Variants in ARL6 observed in about 807,000 individuals in gnomAD.
ARL6 encodes the protein ADP-ribosylation factor-like protein 6.
A neutral mutation model predicts 27.1 loss-of-function variants in ARL6; 18 were observed. The ratio of observed to expected loss-of-function variants is 0.66; its 90% CI spans 0.46 to 0.98. The LOEUF is 0.98. Ranked by LOEUF, ARL6 falls within the 50% of genes least tolerant of loss-of-function variation. ARL6 has a pLI of 0.00. For missense variants in ARL6, 187 were observed against 214.9 expected, an observed-to-expected ratio of 0.87 and a Z score of 0.81; for synonymous variants, 65 against 72.3, an observed-to-expected ratio of 0.90 and a Z score of 0.51.
intron 2 of ARL6, among the ~76,000 whole-genome samples, 166 bp downstream of exon 2, chr3:97,768,396 A>G (rs1369941104): frequency 6.6e-6 from 1 of 152,118 alleles, no homozygotes; most frequent in East Asian, 1.9e-4. Context: ...TATATTTTAC[A>G]CAGTAAATTT....
At chr3:97,795,430 G>A (rs889065097) in intron 7 of ARL6, among the ~76,000 whole-genome samples, 1 of 152,110 alleles carries the variant, frequency 6.6e-6, no homozygotes, top group Non-Finnish European at 1.5e-5. Flanking sequence ...CTATGCAGGA[G>A]TATTCCAATG....
At chr3:97,790,123 C>A (rs755264876) in intron 6 of ARL6, among the ~76,000 whole-genome samples, 4 of 149,064 alleles carry the variant, frequency 2.7e-5, no homozygotes, top group Non-Finnish European at 5.9e-5. Flanking sequence ...TGTTTACCAT[C>A]TTGTGGGGGA....
At chr3:97,794,603 T>C (rs1258419653) in intron 7 of ARL6, among the ~76,000 whole-genome samples, 1 of 152,204 alleles carries the variant, frequency 6.6e-6, no homozygotes, top group African/African-American at 2.4e-5. Flanking sequence ...AAAAATCTAT[T>C]TTTAAAAAAT....
At chr3:97,794,438 A>T (rs146549323) in intron 7 of ARL6, among the ~76,000 whole-genome samples, 2,093 of 151,854 alleles carry the variant, frequency 0.014, 49 homozygotes, top group African/African-American at 0.048. Flanking sequence ...GGTCTCGAAC[A>T]CCTGACCTCA....
intron 6 of ARL6, among the ~76,000 whole-genome samples, chr3:97,789,652 A>C (rs1168588698): frequency 6.6e-6 from 1 of 152,086 alleles, no homozygotes; most frequent in Non-Finnish European, 1.5e-5. Flanking sequence ...TCTTTTAAAC[A>C]TGTGTATAAT....
chr3:97,795,323 A>G (rs1168362225), intron 7 of ARL6, among the ~76,000 whole-genome samples: 1 of 152,184 alleles, frequency 6.6e-6, no homozygotes, highest in Admixed American at 6.5e-5. Context: ...TTAAAAAGAA[A>G]TCTTCCCAAA....
intron 2 of ARL6, among the ~76,000 whole-genome samples, chr3:97,779,017 A>T (rs2037047539): frequency 6.6e-6 from 1 of 152,184 alleles, no homozygotes; most frequent in African/African-American, 2.4e-5. Context: ...AGTTTTTCTG[A>T]TGAAAGTGCT....
chr3:97,800,151 TAGA>T lies in ARL6; in HGVS notation c.*2108_*2110del, dbSNP rs939706428. ...AGTAGCTCATACCTATGCAAATATT[TAGA>T]AGAAGGAGAAGTACCCTTTTTCTTT... On this transcript the variant is annotated 3_prime_UTR_variant, in exon 8 of 8. Transcript: ENST00000463745. The T allele has an allele frequency of 3.3e-5, 5 of 152,140 alleles. No homozygotes were observed. The East Asian group carries it at 5.8e-4, about 18-fold the overall frequency. The allele number at this position is 152,140 out of a possible 1,614,324, so 9.4% of individuals were successfully genotyped here.
At chr3:97,786,238 A>C (rs2037453554) in intron 5 of ARL6, among the ~76,000 whole-genome samples, 1 of 152,020 alleles carries the variant, frequency 6.6e-6, no homozygotes, top group Non-Finnish European at 1.5e-5. Context: ...CCATATGCTC[A>C]GGAGGCTGAA....
At position 97,798,064 on chromosome 3, in the gene ARL6, G is replaced by A; in HGVS notation, c.*15G>A. 6 of 1,611,988 alleles carry A rather than the reference G, an allele frequency of 3.7e-6. No homozygotes were observed. The highest frequency in any genetic ancestry group is 5.1e-6 in the Non-Finnish European group (6 of 1,178,400). The stretch of plus-strand genomic sequence containing the variant: ...TGAAGACATGAAAAGATAATAGTTG[G>A]AAACCTCAGCAATTTTCAATTCAAG... On this transcript the variant is annotated 3_prime_UTR_variant, in exon 8 of 8. Coordinates refer to ENST00000463745, the MANE Select transcript of ARL6 (RefSeq NM_001278293.3).
intron 2 of ARL6, among the ~76,000 whole-genome samples, chr3:97,768,758 T>G (rs2036504385): frequency 6.6e-6 from 1 of 152,108 alleles, no homozygotes; most frequent in Non-Finnish European, 1.5e-5. Flanking sequence ...GCTTTCCTAA[T>G]TTCTGGCACC....
intron 4 of ARL6, among the ~76,000 whole-genome samples, chr3:97,783,712 A>G (rs943952738): frequency 6.6e-6 from 1 of 151,812 alleles, no homozygotes; most frequent in African/African-American, 2.4e-5. Flanking sequence ...TTTATTTTGT[A>G]TATCATTTGA....
chr3:97,800,607 TTAAGA>T lies in ARL6; in HGVS notation c.*2561_*2565del, dbSNP rs1473220809. On this transcript the variant is annotated 3_prime_UTR_variant, in exon 8 of 8. Transcript: ENST00000463745. ...TGCGAAAAAGTTACAAATTGTCTCC[TTAAGA>T]TATTTTTTCTTTGTAATTTTTTTAT... is the stretch of plus-strand genomic sequence containing the variant. The T allele has an allele frequency of 3.9e-5, 6 of 152,238 alleles. No homozygotes were observed. The highest frequency in any genetic ancestry group is 1.4e-4 in the African/African-American group (6 of 41,468). The allele number at this position is 152,238 out of a possible 1,614,324, so 9.4% of individuals were successfully genotyped here. A position where few individuals can be genotyped will look rare whatever the true frequency, so the allele number is the denominator to read the frequency against.
chr3:97,793,576 C>T (rs2279896), intron 7 of ARL6, among the ~76,000 whole-genome samples: 63,292 of 151,826 alleles, frequency 0.42, 14,184 homozygotes, highest in East Asian at 0.65. Context: ...TCCATCCCTT[C>T]TTTTCTGGTT....
intron 7 of ARL6, among the ~76,000 whole-genome samples, chr3:97,794,207 GTGTGTGTGTGTT>G (rs1243046943): frequency 1.0e-4 from 15 of 147,574 alleles, no homozygotes; most frequent in African/African-American, 4.0e-4. Context: ...GTGTGTGTGT[GTGTGTGTGTGTT>G]TTTGAGATGG....
intron 7 of ARL6, among the ~76,000 whole-genome samples, chr3:97,793,972 A>G (rs1195727133): frequency 6.6e-6 from 1 of 152,144 alleles, no homozygotes; most frequent in Non-Finnish European, 1.5e-5. Flanking sequence ...TTAATCTGTA[A>G]AAGTAAAAAA....
intron 5 of ARL6, among the ~76,000 whole-genome samples, chr3:97,786,748 TA>T (rs2037476977): frequency 6.6e-6 from 1 of 152,180 alleles, no homozygotes; most frequent in Admixed American, 6.5e-5. Context: ...CTTGTGTTTC[TA>T]AAAATCAGTA....
intron 2 of ARL6, among the ~76,000 whole-genome samples, chr3:97,775,534 A>T (rs2036854275): frequency 6.6e-6 from 1 of 152,010 alleles, no homozygotes; most frequent in South Asian, 2.1e-4. Context: ...GATTAAGGTG[A>T]TTGTTCCCAG....
chr3:97,775,092 T>C (rs2036827757), intron 2 of ARL6, among the ~76,000 whole-genome samples: 1 of 152,128 alleles, frequency 6.6e-6, no homozygotes, highest in Non-Finnish European at 1.5e-5. Context: ...GTAGAGTCCT[T>C]AGCATTTTGG....
Sources: allele counts gnomAD v4.1 joint callset (sites outside exome capture counted in the v4.1 genomes callset), GRCh38; gene constraint gnomAD v4.1.1; transcripts MANE v1.5; gene names NCBI Gene and HGNC (gene_info 2026-07-23, HGNC 2026-07-21).